The following TFDP2 variants were observed in gnomAD, a reference collection of about 807,000 sequenced individuals.
TFDP2 encodes transcription factor Dp-2, also known as transcription factor Dp-2 (E2F dimerization partner 2).
A neutral mutation model predicts 59.3 loss-of-function variants in TFDP2; 17 were observed. The observed-to-expected ratio is 0.29, with a 90% CI of 0.20 to 0.43. The LOEUF is 0.43. TFDP2 is among the 20% of genes least tolerant of loss of function. The pLI is 1.00. For synonymous variants in TFDP2, 180 were observed against 194.7 expected (o/e 0.92, Z 0.63); for missense variants, 391 against 528.8 (o/e 0.74, Z 2.56).
intron 3 of TFDP2, among the ~76,000 whole-genome samples, chr3:142,056,144 G>C (rs1305687194): frequency 6.6e-6 from 1 of 151,106 alleles, no homozygotes; most frequent in Non-Finnish European, 1.5e-5. Flanking sequence ...AGTAGAGATG[G>C]GGTTTCACCA....
intron 3 of TFDP2, among the ~76,000 whole-genome samples, chr3:142,067,206 A>G (rs2060100609): frequency 6.6e-6 from 1 of 152,192 alleles, no homozygotes; most frequent in African/African-American, 2.4e-5. Context: ...GAAGAACTAG[A>G]AACTGAAAAT....
At chr3:142,066,905 T>G (rs1000978539) in intron 3 of TFDP2, among the ~76,000 whole-genome samples, 5 of 152,156 alleles carry the variant, frequency 3.3e-5, no homozygotes, top group Admixed American at 6.5e-5. Context: ...TACTCCACCA[T>G]GTAATCATTG....
At chr3:141,959,601 A>T in intron 11 of TFDP2, 73 bp downstream of exon 11, 1 of 1,547,340 alleles carries the variant, frequency 6.5e-7, no homozygotes, top group South Asian at 1.2e-5. Flanking sequence ...GCAATTTTCT[A>T]TAAGAAAGGT....
At chr3:142,129,864 A>T (rs753627358) in intron 1 of TFDP2, among the ~76,000 whole-genome samples, 2 of 152,118 alleles carry the variant, frequency 1.3e-5, no homozygotes, top group Non-Finnish European at 2.9e-5. Context: ...ATGATTAGGG[A>T]AATGCAAATC....
chr3:142,067,965 C>T (rs559865240), intron 3 of TFDP2, among the ~76,000 whole-genome samples: 1 of 148,974 alleles, frequency 6.7e-6, no homozygotes, highest in South Asian at 2.1e-4. Context: ...AATTGTGCCA[C>T]TGCACTCCAT....
rs34769821 is a variant in TFDP2 at position 142,034,090 on chromosome 3, C to CT, written c.83-28547dup. ...GCCACTATCTCAGCTTTTGCACCAA[C>CT]TTTTTTTTTTTTTTTTTTTTTTGAG... On this transcript the variant is annotated intron_variant, in intron 3 of 12. Transcript: ENST00000489671. Among the ~76,000 whole-genome samples, 385 of 93,726 alleles carry CT rather than the reference C, an allele frequency of 4.1e-3. 6 individuals carry two copies. Among genetic ancestry groups the CT allele is most frequent in the African/African-American group, 0.011 (282 of 25,536 alleles). The allele number at this position is 93,726 out of a possible 152,430, so 61.5% of individuals were successfully genotyped here.
intron 1 of TFDP2, among the ~76,000 whole-genome samples, chr3:142,142,106 A>T (rs753065183): frequency 2.0e-5 from 3 of 152,212 alleles, no homozygotes; most frequent in Non-Finnish European, 2.9e-5. Context: ...TAGAGCAATC[A>T]GACAACAGAA....
At chr3:141,981,023 C>T (rs568695793) in intron 6 of TFDP2, among the ~76,000 whole-genome samples, 4 of 152,040 alleles carry the variant, frequency 2.6e-5, no homozygotes, top group African/African-American at 4.8e-5. Flanking sequence ...AAGTAGTGTG[C>T]AGTAAATTCC....
chr3:142,022,125 G>T (rs1191310426), intron 3 of TFDP2, among the ~76,000 whole-genome samples: 1 of 152,090 alleles, frequency 6.6e-6, no homozygotes, highest in Non-Finnish European at 1.5e-5. Context: ...CAAACAACTT[G>T]ATCCTCCCAA....
At chr3:142,137,612 C>A (rs536085437) in intron 1 of TFDP2, among the ~76,000 whole-genome samples, 28 of 152,262 alleles carry the variant, frequency 1.8e-4, no homozygotes, top group African/African-American at 6.5e-4. Flanking sequence ...TTGTCAAAGG[C>A]CTTTTCTGCA....
At chr3:142,069,768 T>C (rs375331132) in intron 3 of TFDP2, among the ~76,000 whole-genome samples, 158 of 144,554 alleles carry the variant, frequency 1.1e-3, no homozygotes, top group African/African-American at 3.8e-3. Context: ...CCACCATGCC[T>C]GGCTAATTTT....
chr3:142,138,867 T>C (rs1362384458), intron 1 of TFDP2, among the ~76,000 whole-genome samples: 1 of 152,248 alleles, frequency 6.6e-6, no homozygotes, highest in Non-Finnish European at 1.5e-5. Context: ...TGGAGAGTTC[T>C]GTAGATGTCT....
chr3:142,044,241 T>G (rs112120151), intron 3 of TFDP2: 5,099 of 243,838 alleles, frequency 0.021, 65 homozygotes, highest in South Asian at 0.032. Context: ...TTTTTTTTTT[T>G]TTTTTTTTTT....
intron 3 of TFDP2, among the ~76,000 whole-genome samples, chr3:142,025,462 T>C (rs113886522): frequency 0.07 from 10,590 of 152,320 alleles, 471 homozygotes; most frequent in Non-Finnish European, 0.11. Flanking sequence ...CTGTTTTCCT[T>C]GTTAAGTAAC....
intron 10 of TFDP2, among the ~76,000 whole-genome samples, chr3:141,960,417 A>G (rs751906347): frequency 2.6e-5 from 4 of 152,186 alleles, no homozygotes; most frequent in Non-Finnish European, 4.4e-5. Flanking sequence ...ATATGTTTGG[A>G]AAGTACCCAA....
rs1209201042 is a variant in TFDP2, at chr3:141,987,832, C to T, written c.356+5706G>A. On this transcript the variant is annotated intron_variant, in intron 6 of 12. Coordinates refer to ENST00000489671, the MANE Select transcript of TFDP2 (RefSeq NM_001178139.2). ...CAGGTGCCTGTAATCCCAGCTACTC[C>T]GAAGGCTGAGGCAGGAGAATCGCTT... Among the ~76,000 whole-genome samples the T allele has an allele frequency of 6.6e-5, 10 of 150,752 alleles. No homozygotes were observed. In the East Asian group the frequency reaches 1.2e-3, roughly 18 times the overall value.
chr3:142,147,868 T>C (rs2063228062), intron 1 of TFDP2, among the ~76,000 whole-genome samples: 1 of 152,198 alleles, frequency 6.6e-6, no homozygotes, highest in African/African-American at 2.4e-5. Context: ...ACACTGCCAT[T>C]AAAGATTAAT....
intron 1 of TFDP2, among the ~76,000 whole-genome samples, chr3:142,105,342 G>A (rs971970583): frequency 7.9e-5 from 12 of 151,964 alleles, no homozygotes; most frequent in South Asian, 2.1e-4. Flanking sequence ...ATACTACATC[G>A]TCAACCTTCC....
intron 3 of TFDP2, among the ~76,000 whole-genome samples, chr3:142,059,202 TCAAA>T (rs1370276339): frequency 6.6e-6 from 1 of 152,180 alleles, no homozygotes; most frequent in Non-Finnish European, 1.5e-5. Flanking sequence ...GATACATGTA[TCAAA>T]CAAAGCCCTG....
Sources: allele counts gnomAD v4.1 joint callset (sites outside exome capture counted in the v4.1 genomes callset), GRCh38; gene constraint gnomAD v4.1.1; transcripts MANE v1.5; gene names NCBI Gene and HGNC (gene_info 2026-07-23, HGNC 2026-07-21).